SFXN2: variants seen among roughly 807,000 people sequenced by gnomAD.
The protein encoded by SFXN2 is sideroflexin-2.
A neutral mutation model predicts 41.9 loss-of-function variants in SFXN2; 37 were observed. That is an observed-to-expected ratio of 0.88 (90% confidence interval 0.68 to 1.16). The LOEUF (loss-of-function observed/expected upper bound fraction) is 1.16, where lower values mean the gene tolerates loss of function less well. Ranked by LOEUF, SFXN2 falls within the 50% of genes most tolerant of loss-of-function variation. The pLI, the probability that SFXN2 is intolerant of heterozygous loss-of-function variation, is 0.00. For synonymous variants in SFXN2, 150 were observed against 156.7 expected (o/e 0.96, Z 0.32); for missense variants, 386 against 425.2 (o/e 0.91, Z 0.81).
In SFXN2 at chr10:102,741,065, G is replaced by A. The variant is rs1459503305; in HGVS notation, c.*3303G>A. 2 of 152,198 alleles carry A rather than the reference G, an allele frequency of 1.3e-5. No homozygotes were observed. The highest frequency in any genetic ancestry group is 6.5e-5 in the Admixed American group (1 of 15,282). The allele number at this position is 152,198 out of a possible 1,614,324, so 9.4% of individuals were successfully genotyped here. ...TCAAACTGCATCTCAGTCTCATTTT[G>A]TAACATCTCTCTTCTTTGAGTTGGC... On this transcript the variant is annotated 3_prime_UTR_variant, in exon 12 of 12. Transcript: ENST00000369893.
chr10:102,729,485 C>CT, intron 5 of SFXN2, 91 bp downstream of exon 5: 1 of 1,462,694 alleles, frequency 6.8e-7, no homozygotes, highest in Non-Finnish European at 9.4e-7. Flanking sequence ...GTTCCCCAGG[C>CT]TGGGTGAGTT....
At chr10:102,716,895 G>A (rs1268066095) in intron 1 of SFXN2, among the ~76,000 whole-genome samples, 1 of 152,006 alleles carries the variant, frequency 6.6e-6, no homozygotes, top group African/African-American at 2.4e-5. Flanking sequence ...GGCTATAGTG[G>A]ATAGAGGACC....
intron 2 of SFXN2, 41 bp from the exon 3 acceptor site, chr10:102,726,946 A>G (rs758285413): frequency 6.3e-7 from 1 of 1,585,474 alleles, no homozygotes; most frequent in Non-Finnish European, 8.6e-7. Context: ...GGAGACATTG[A>G]TCAGGCAGGA....
intron 2 of SFXN2, 60 bp from the exon 3 acceptor site, chr10:102,726,927 G>A (rs2064606942): frequency 1.9e-6 from 3 of 1,578,310 alleles, no homozygotes; most frequent in Admixed American, 3.4e-5. Context: ...AGTGAGAGTG[G>A]GGAGACTGGG....
At chr10:102,720,378 G>A (rs911890963) in intron 1 of SFXN2, among the ~76,000 whole-genome samples, 3 of 151,560 alleles carry the variant, frequency 2.0e-5, no homozygotes, top group African/African-American at 7.3e-5. Context: ...GGGAGGCTGA[G>A]GCAGGTAGAT....
intron 4 of SFXN2, among the ~76,000 whole-genome samples, chr10:102,728,945 C>T (rs1057299858): frequency 6.6e-6 from 1 of 152,036 alleles, no homozygotes; most frequent in Admixed American, 6.6e-5. Context: ...GGTTGCAAGG[C>T]AGAGAACAGC....
At chr10:102,732,271 G>A in intron 8 of SFXN2, 53 bp downstream of exon 8, 1 of 1,542,458 alleles carries the variant, frequency 6.5e-7, no homozygotes. Context: ...CAGGGTGGAG[G>A]TCTCAGCCAC....
At position 102,727,170 on chromosome 10, in the gene SFXN2, G is replaced by T. The variant is rs1412287810; in HGVS notation, c.332+13G>T. 6.3e-7 allele frequency: 1 copy of T among 1,588,696 alleles called. No individual in the cohort carries two copies. Among genetic ancestry groups the T allele is most frequent in the African/African-American group, 1.3e-5 (1 of 74,586 alleles). On this transcript the variant is annotated intron_variant, in intron 3 of 11. Transcript: ENST00000369893. ...TCCAGTTCTACAGGTGGGACCTGGG[G>T]GCAGGGCCGTGGGAGGTACAGCTGC...
At chr10:102,723,067 G>A (rs1311128549) in intron 1 of SFXN2, among the ~76,000 whole-genome samples, 1 of 150,622 alleles carries the variant, frequency 6.6e-6, no homozygotes, top group African/African-American at 2.4e-5. Context: ...CAGTAGCTGG[G>A]ACTGCAGGTG....
chr10:102,717,164 C>T (rs769693891), intron 1 of SFXN2, among the ~76,000 whole-genome samples: 3 of 136,360 alleles, frequency 2.2e-5, no homozygotes, highest in Non-Finnish European at 3.1e-5. Flanking sequence ...CGGAGTCTCG[C>T]TCTGTCACCC....
chr10:102,729,710 C>T lies in SFXN2; in HGVS notation c.508-13C>T, dbSNP rs1330232197. ...GCTTCTGAACAACTCCTACTGTTCTCTTCCCCCAACAGAAAGCGCCGCCCT... is the reference window on the plus strand; with the variant it reads ...GCTTCTGAACAACTCCTACTGTTCTTTTCCCCCAACAGAAAGCGCCGCCCT... On this transcript the variant is annotated splice_polypyrimidine_tract_variant and intron_variant, in intron 5 of 11. Coordinates refer to ENST00000369893, the MANE Select transcript of SFXN2 (RefSeq NM_178858.6). The T allele has an allele frequency of 6.2e-7, 1 of 1,613,576 alleles. No individual in the cohort carries two copies. Among genetic ancestry groups the T allele is most frequent in the Non-Finnish European group, 8.5e-7 (1 of 1,179,904 alleles).
At chr10:102,732,362 A>G (rs1486528156) in intron 8 of SFXN2, 144 bp downstream of exon 8, 6 of 668,208 alleles carry the variant, frequency 9.0e-6, no homozygotes, top group Non-Finnish European at 1.5e-5. Context: ...CTGTAAGCCT[A>G]GAAGAACCAC....
At chr10:102,729,538 C>A in intron 5 of SFXN2, 144 bp downstream of exon 5, 1 of 1,122,002 alleles carries the variant, frequency 8.9e-7, no homozygotes, top group African/African-American at 1.6e-5. Flanking sequence ...GAGAAATACA[C>A]CAGGGCCGTC....
Position 102,743,356 on chromosome 10 carries a change from C to T in SFXN2, c.*5594C>T, listed in dbSNP as rs1191182912. The stretch of plus-strand genomic sequence containing the variant: ...GAACTTGGGGTGACGAAGCACTATG[C>T]CTCAGATAAAGGTACTATCTTCTAG... On this transcript the variant is annotated 3_prime_UTR_variant, in exon 12 of 12. Coordinates refer to ENST00000369893, the MANE Select transcript of SFXN2 (RefSeq NM_178858.6). 6.6e-6 allele frequency: 1 copy of T among 152,188 alleles called. No homozygotes were observed. The highest frequency in any genetic ancestry group is 1.5e-5 in the Non-Finnish European group (1 of 68,036). 9.4% of individuals were successfully genotyped at this position (152,188 alleles called of 1,614,324 possible). A position where few individuals can be genotyped will look rare whatever the true frequency, so the allele number is the denominator to read the frequency against.
chr10:102,725,962 A>G (rs1357521046), intron 1 of SFXN2, among the ~76,000 whole-genome samples: 3 of 152,020 alleles, frequency 2.0e-5, no homozygotes, highest in Non-Finnish European at 4.4e-5. Flanking sequence ...TTTTCCCCCC[A>G]AGATGGAGTC....
At chr10:102,721,500 AT>A (rs2064507880) in intron 1 of SFXN2, among the ~76,000 whole-genome samples, 1 of 147,190 alleles carries the variant, frequency 6.8e-6, no homozygotes, top group African/African-American at 2.5e-5. Flanking sequence ...TTTATATATT[AT>A]TTTTATATGT....
At chr10:102,733,520 C>A in intron 9 of SFXN2, 34 bp from the exon 10 acceptor site, 3 of 1,580,308 alleles carry the variant, frequency 1.9e-6, no homozygotes, top group Non-Finnish European at 2.6e-6. Flanking sequence ...ATAGAAGTAC[C>A]ATGTGGATCT....
In SFXN2 at chr10:102,729,395, G is replaced by A. The variant is rs1455646836; in HGVS notation, c.507+1G>A. ...TGTGGGCATGAACATGTTGACAAAG[G>A]TATGGTCTGGGGCCGCTGCAGCATG... is the stretch of plus-strand genomic sequence containing the variant. On this transcript the variant is annotated splice_donor_variant, in intron 5 of 11. Transcript: ENST00000369893. LOFTEE classifies it high-confidence loss of function. 23 of 1,613,974 alleles carry A rather than the reference G, an allele frequency of 1.4e-5. No individual in the cohort carries two copies. The Admixed American group carries it at 3.7e-4, about 26-fold the overall frequency.
chr10:102,718,139 T>C (rs2064445509), intron 1 of SFXN2, among the ~76,000 whole-genome samples: 1 of 152,236 alleles, frequency 6.6e-6, no homozygotes. Flanking sequence ...GCAGTTTCTA[T>C]CCTGACTTCA....
Sources: gnomAD v4.1 joint callset for allele counts (sites outside exome capture counted in the v4.1 genomes callset) on GRCh38, gnomAD v4.1.1 for gene constraint, MANE v1.5 for transcripts, NCBI Gene and HGNC (gene_info 2026-07-23, HGNC 2026-07-21) for gene names.